The following CTNND2 variants were observed in gnomAD, a reference collection of about 807,000 sequenced individuals.
The protein encoded by CTNND2 is catenin delta 2, also known as catenin delta-2.
Under a neutral mutation model 144.4 loss-of-function variants are expected in CTNND2, and 22 were observed. That is an observed-to-expected ratio of 0.15 (90% CI 0.11 to 0.22). CTNND2 has a LOEUF of 0.22. Ranked by LOEUF, CTNND2 falls within the 10% of genes least tolerant of loss-of-function variation. The pLI, the probability that CTNND2 is intolerant of heterozygous loss-of-function variation, is 1.00. For synonymous variants in CTNND2, 751 were observed against 695.6 expected (o/e 1.08, Z -1.25); for missense variants, 1,353 against 1,618.8 (o/e 0.84, Z 2.82).
intron 17 of CTNND2, among the ~76,000 whole-genome samples, chr5:11,020,345 G>T (rs1393489127): frequency 6.6e-6 from 1 of 151,982 alleles, no homozygotes; most frequent in African/African-American, 2.4e-5. Context: ...TAAAAATCAG[G>T]TTTGAACTGA....
chr5:11,619,120 T>C (rs574420827), intron 2 of CTNND2, among the ~76,000 whole-genome samples: 2 of 152,252 alleles, frequency 1.3e-5, no homozygotes, highest in African/African-American at 4.8e-5. Context: ...CTCAAAATTA[T>C]TCTCAGGCCA....
chr5:11,045,999 C>A (rs1344609556), intron 16 of CTNND2, among the ~76,000 whole-genome samples: 1 of 152,078 alleles, frequency 6.6e-6, no homozygotes, highest in Non-Finnish European at 1.5e-5. Flanking sequence ...TGCTGCAGGG[C>A]AGGGTGGCTG....
At chr5:11,164,027 T>C (rs1003322280) in intron 11 of CTNND2, among the ~76,000 whole-genome samples, 2 of 152,080 alleles carry the variant, frequency 1.3e-5, no homozygotes, top group African/African-American at 4.8e-5. Flanking sequence ...GGAAGATGTG[T>C]TTCCTCATCT....
chr5:11,688,700 GA>G (rs1228038959), intron 2 of CTNND2, among the ~76,000 whole-genome samples: 1 of 152,120 alleles, frequency 6.6e-6, no homozygotes, highest in East Asian at 1.9e-4. Context: ...CTATAATTCA[GA>G]AACCCACCAC....
chr5:11,270,254 T>A (rs915030355), intron 9 of CTNND2, among the ~76,000 whole-genome samples: 3 of 152,078 alleles, frequency 2.0e-5, no homozygotes, highest in African/African-American at 7.2e-5. Flanking sequence ...TTCTAACACG[T>A]AACACACACA....
intron 15 of CTNND2, among the ~76,000 whole-genome samples, chr5:11,092,147 A>T (rs998008464): frequency 1.3e-5 from 2 of 152,152 alleles, no homozygotes; most frequent in Non-Finnish European, 1.5e-5. Context: ...TCTTTCAGAG[A>T]TCATTGTCCT....
intron 9 of CTNND2, among the ~76,000 whole-genome samples, chr5:11,306,893 TG>T (rs1379670997): frequency 6.6e-6 from 1 of 152,194 alleles, no homozygotes; most frequent in Non-Finnish European, 1.5e-5. Context: ...AACAGAGGAC[TG>T]ACACCTCTGC....
At chr5:11,897,580 G>A (rs1039324231) in intron 1 of CTNND2, among the ~76,000 whole-genome samples, 1 of 152,070 alleles carries the variant, frequency 6.6e-6, no homozygotes, top group Non-Finnish European at 1.5e-5. Context: ...CACTTACAAA[G>A]CGATCCAATT....
At chr5:11,780,497 C>G (rs985402114) in intron 1 of CTNND2, among the ~76,000 whole-genome samples, 2 of 152,158 alleles carry the variant, frequency 1.3e-5, no homozygotes, top group Admixed American at 1.3e-4. Flanking sequence ...TTCCTCTGCC[C>G]TCTCACCTGG....
intron 9 of CTNND2, among the ~76,000 whole-genome samples, chr5:11,271,546 G>A (rs1475643956): frequency 1.3e-5 from 2 of 152,134 alleles, no homozygotes; most frequent in African/African-American, 4.8e-5. Context: ...TGCATGTGAT[G>A]AGGATGATAG....
At chr5:11,658,714 G>T (rs1783036088) in intron 2 of CTNND2, among the ~76,000 whole-genome samples, 4 of 152,144 alleles carry the variant, frequency 2.6e-5, no homozygotes, top group Admixed American at 2.6e-4. Context: ...ACAGCTGATT[G>T]CTGAGGGGAG....
intron 12 of CTNND2, among the ~76,000 whole-genome samples, chr5:11,150,519 G>A (rs1757652105): frequency 6.6e-6 from 1 of 151,626 alleles, no homozygotes; most frequent in Admixed American, 6.6e-5. Flanking sequence ...TGTGGGGCCA[G>A]CAGAATGTGG....
At chr5:11,441,604 G>A (rs1014357024) in intron 3 of CTNND2, among the ~76,000 whole-genome samples, 7 of 149,602 alleles carry the variant, frequency 4.7e-5, no homozygotes, top group African/African-American at 1.7e-4. Flanking sequence ...GGCTGGTCTC[G>A]AACTCCTGAC....
At chr5:11,076,132 C>A (rs1005537287) in intron 16 of CTNND2, among the ~76,000 whole-genome samples, 2 of 152,162 alleles carry the variant, frequency 1.3e-5, no homozygotes, top group African/African-American at 2.4e-5. Context: ...ACATAAGAGA[C>A]AATGTGAGGA....
chr5:11,818,004 T>TTTTTTC lies in CTNND2; in HGVS notation c.38-85733_38-85732insGAAAAA, dbSNP rs1554126308. ...GTGTTTTTTTTTTTTTTTTTTTTTT[T>TTTTTTC]CAGTTCTCCTCCATCCAATATCAAA... On this transcript the variant is annotated intron_variant, in intron 1 of 21. Coordinates refer to ENST00000304623, the MANE Select transcript of CTNND2 (RefSeq NM_001332.4). Among the ~76,000 whole-genome samples the TTTTTTC allele has an allele frequency of 9.2e-4, 86 of 93,258 alleles. 4 individuals carry two copies. The highest frequency in any genetic ancestry group is 0.011 in the Middle Eastern group (1 of 92). 61.2% of individuals were successfully genotyped at this position (93,258 alleles called of 152,430 possible). A position where few individuals can be genotyped will look rare whatever the true frequency, so the allele number is the denominator to read the frequency against.
intron 15 of CTNND2, among the ~76,000 whole-genome samples, chr5:11,091,353 A>G (rs1379577280): frequency 6.6e-6 from 1 of 152,086 alleles, no homozygotes; most frequent in African/African-American, 2.4e-5. Context: ...TCTTTTATAC[A>G]TTTTCCATGT....
intron 3 of CTNND2, among the ~76,000 whole-genome samples, chr5:11,540,033 CAAAAATT>C (rs951357912): frequency 8.1e-4 from 123 of 151,798 alleles, no homozygotes; most frequent in African/African-American, 2.8e-3. Context: ...GACTCGGCCT[CAAAAATT>C]AAAAATTAAA....
At chr5:11,832,082 G>T (rs1025802368) in intron 1 of CTNND2, among the ~76,000 whole-genome samples, 1 of 151,964 alleles carries the variant, frequency 6.6e-6, no homozygotes, top group African/African-American at 2.4e-5. Context: ...AAGAGATCGA[G>T]ACCATCCTGG....
At chr5:11,755,914 G>A (rs746025319) in intron 1 of CTNND2, among the ~76,000 whole-genome samples, 10 of 151,214 alleles carry the variant, frequency 6.6e-5, no homozygotes, top group Non-Finnish European at 1.3e-4. Flanking sequence ...CCTACCCTAT[G>A]TTCCTGTTCT....
Sources: gnomAD v4.1 joint callset for allele counts (sites outside exome capture counted in the v4.1 genomes callset) on GRCh38, gnomAD v4.1.1 for gene constraint, MANE v1.5 for transcripts, NCBI Gene and HGNC (gene_info 2026-07-23, HGNC 2026-07-21) for gene names.